Variants in SUCLG2 observed in about 807,000 individuals in gnomAD.
SUCLG2 encodes succinate--CoA ligase [GDP-forming] subunit beta, mitochondrial.
Under a neutral mutation model 47.9 loss-of-function variants are expected in SUCLG2, and 42 were observed. That is an observed-to-expected ratio of 0.88 (90% CI 0.69 to 1.14). The LOEUF is 1.14. Ranked by LOEUF, SUCLG2 falls within the 50% of genes most tolerant of loss-of-function variation. The pLI is 0.00. For synonymous variants in SUCLG2, 195 were observed against 197.3 expected (o/e 0.99, Z 0.10); for missense variants, 571 against 525.9 (o/e 1.09, Z -0.84).
rs1024459449 is a variant in SUCLG2 at position 67,565,325 on chromosome 3, T to C, written c.227-36139A>G. On this transcript the variant is annotated intron_variant, in intron 2 of 10. Coordinates refer to ENST00000307227, the MANE Select transcript of SUCLG2 (RefSeq NM_003848.4). ...GTAATAAAAACTCTACTAAATACAA[T>C]ATAGTCTTCTTTTAAATCAATGTAC... 3.3e-5 allele frequency among the ~76,000 whole-genome samples: 5 copies of C among 152,202 alleles called. No homozygotes were observed. The South Asian group carries it at 6.2e-4, about 19-fold the overall frequency.
chr3:67,407,917 G>GAA (rs1007446779), intron 9 of SUCLG2, among the ~76,000 whole-genome samples: 11 of 152,226 alleles, frequency 7.2e-5, no homozygotes, highest in Middle Eastern at 3.4e-3. Flanking sequence ...GCCAACGAAG[G>GAA]AAAATAAATG....
intron 9 of SUCLG2, among the ~76,000 whole-genome samples, chr3:67,448,982 AAC>A (rs1399301404): frequency 6.6e-6 from 1 of 152,218 alleles, no homozygotes; most frequent in Non-Finnish European, 1.5e-5. Flanking sequence ...GTAATATAAA[AAC>A]ACTGTTGAAT....
intron 6 of SUCLG2, chr3:67,514,237 T>C (rs1396166813): frequency 2.5e-6 from 1 of 408,030 alleles, no homozygotes; most frequent in Non-Finnish European, 4.9e-6. Flanking sequence ...GTTCTTCTGG[T>C]ATGATGTATT....
chr3:67,652,248 G>T (rs1464177545), intron 1 of SUCLG2, among the ~76,000 whole-genome samples: 1 of 151,926 alleles, frequency 6.6e-6, no homozygotes, highest in Non-Finnish European at 1.5e-5. Context: ...TAGACAAAAT[G>T]TCATTCTATG....
intron 2 of SUCLG2, among the ~76,000 whole-genome samples, chr3:67,608,746 T>C (rs1158034314): frequency 4.0e-5 from 6 of 151,842 alleles, no homozygotes; most frequent in African/African-American, 1.2e-4. Context: ...AGAGTGATCA[T>C]AGCCCACTGC....
chr3:67,558,461 G>C (rs1235560572), intron 2 of SUCLG2, among the ~76,000 whole-genome samples: 1 of 152,046 alleles, frequency 6.6e-6, no homozygotes, highest in Non-Finnish European at 1.5e-5. Flanking sequence ...TTTCTTGCTT[G>C]GCCGTGGTGG....
At chr3:67,585,950 G>GAGCA (rs1370105788) in intron 2 of SUCLG2, among the ~76,000 whole-genome samples, 2 of 114,266 alleles carry the variant, frequency 1.8e-5, no homozygotes, top group Non-Finnish European at 3.3e-5. Context: ...CTGGGCAAAA[G>GAGCA]AGCAAGACTC....
At chr3:67,499,424 A>G (rs1027701114) in intron 7 of SUCLG2, among the ~76,000 whole-genome samples, 1 of 152,214 alleles carries the variant, frequency 6.6e-6, no homozygotes, top group South Asian at 2.1e-4. Flanking sequence ...ATAAGACACG[A>G]AAAGACCAAG....
rs538570157 is a variant in SUCLG2 at position 67,430,069 on chromosome 3, G to T, written c.1063-29218C>A. ...GAGGGAAAGTTAACAAGGATACCCAGGAATTGAACTCAGCTCTGCACCAAG... is the reference window on the plus strand; with the variant it reads ...GAGGGAAAGTTAACAAGGATACCCATGAATTGAACTCAGCTCTGCACCAAG... On this transcript the variant is annotated intron_variant, in intron 9 of 10. Transcript: ENST00000307227. Among the ~76,000 whole-genome samples, 25 of 152,224 alleles carry T rather than the reference G, an allele frequency of 1.6e-4. No homozygotes were observed. The South Asian group carries it at 4.8e-3, about 29-fold the overall frequency.
chr3:67,596,150 T>C (rs1708287758), intron 2 of SUCLG2, among the ~76,000 whole-genome samples: 1 of 152,196 alleles, frequency 6.6e-6, no homozygotes. Flanking sequence ...AGTGGTTTGG[T>C]TTATTTAAAG....
rs72918992 is a variant in SUCLG2, at chr3:67,460,909, G to A, written c.1062+34889C>T. Among the ~76,000 whole-genome samples, 130 of 152,232 alleles carry A rather than the reference G, an allele frequency of 8.5e-4. 1 individual carries two copies. Among genetic ancestry groups the A allele is most frequent in the African/African-American group, 2.9e-3 (121 of 41,552 alleles). On this transcript the variant is annotated intron_variant, in intron 9 of 10. Coordinates refer to ENST00000307227, the MANE Select transcript of SUCLG2 (RefSeq NM_003848.4). The stretch of plus-strand genomic sequence containing the variant: ...AACATTCTAGTGAGCATTCTCTGGG[G>A]TTTATCTGATAAGATATAAAGAAGG...
intron 10 of SUCLG2, among the ~76,000 whole-genome samples, chr3:67,380,641 G>A (rs995360559): frequency 6.6e-6 from 1 of 151,994 alleles, no homozygotes; most frequent in Non-Finnish European, 1.5e-5. Context: ...CATATGCAGA[G>A]CCATCATGAC....
intron 9 of SUCLG2, among the ~76,000 whole-genome samples, chr3:67,442,795 T>C (rs180994024): frequency 1.7e-4 from 26 of 152,340 alleles, no homozygotes; most frequent in Admixed American, 5.9e-4. Flanking sequence ...ATGCTAAACA[T>C]ATTTATTCAC....
chr3:67,404,546 C>T (rs193013965), intron 9 of SUCLG2, among the ~76,000 whole-genome samples: 337 of 152,146 alleles, frequency 2.2e-3, no homozygotes, highest in African/African-American at 7.7e-3. Flanking sequence ...GGCTGCTTAG[C>T]TCAGGGAAAT....
chr3:67,421,549 G>C (rs900281897), intron 9 of SUCLG2, among the ~76,000 whole-genome samples: 1 of 152,146 alleles, frequency 6.6e-6, no homozygotes, highest in African/African-American at 2.4e-5. Flanking sequence ...AAACATTTCT[G>C]CACAAACATA....
intron 2 of SUCLG2, among the ~76,000 whole-genome samples, chr3:67,574,024 C>T (rs1337658295): frequency 6.6e-6 from 1 of 152,212 alleles, no homozygotes; most frequent in East Asian, 1.9e-4. Context: ...TGTTTCCTTG[C>T]TGACAGTTCT....
intron 9 of SUCLG2, among the ~76,000 whole-genome samples, chr3:67,437,155 G>C (rs997400411): frequency 6.6e-6 from 1 of 152,112 alleles, no homozygotes; most frequent in Admixed American, 6.6e-5. Context: ...TGTAAACAGA[G>C]AGAGCAAGCA....
intron 9 of SUCLG2, among the ~76,000 whole-genome samples, chr3:67,455,751 T>A (rs1484761289): frequency 6.6e-6 from 1 of 151,844 alleles, no homozygotes; most frequent in Admixed American, 6.6e-5. Flanking sequence ...TGAAAAAGCA[T>A]GAGGAATAAA....
At chr3:67,639,857 G>T (rs990752243) in intron 1 of SUCLG2, among the ~76,000 whole-genome samples, 1 of 152,100 alleles carries the variant, frequency 6.6e-6, no homozygotes, top group African/African-American at 2.4e-5. Context: ...AAAAGTCTTG[G>T]GGTTACTATG....
Sources: allele counts gnomAD v4.1 joint callset (sites outside exome capture counted in the v4.1 genomes callset), GRCh38; gene constraint gnomAD v4.1.1; transcripts MANE v1.5; gene names NCBI Gene and HGNC (gene_info 2026-07-23, HGNC 2026-07-21).